Variants in CLINT1 observed in about 807,000 individuals in gnomAD.
The protein encoded by CLINT1 is clathrin interactor 1.
Under a neutral mutation model 70.4 loss-of-function variants are expected in CLINT1, and 15 were observed. That is an observed-to-expected ratio of 0.21 (90% CI 0.14 to 0.33). CLINT1 has a LOEUF of 0.33. Among genes scored for constraint, CLINT1 ranks in the 10% least tolerant of loss-of-function variants. The probability of loss-of-function intolerance (pLI) is 1.00; values close to 1 mark genes in which losing one functional copy is unlikely to be tolerated. For synonymous variants in CLINT1, 227 were observed against 254.7 expected, an observed-to-expected ratio of 0.89 and a Z score of 1.04; for missense variants, 615 against 778.1, an observed-to-expected ratio of 0.79 and a Z score of 2.49.
At chr5:157,830,794 C>CTA (rs1190577088) in intron 1 of CLINT1, among the ~76,000 whole-genome samples, 1,245 of 106,638 alleles carry the variant, frequency 0.012, 4 homozygotes, top group African/African-American at 0.015. Context: ...CTCTCTCTCT[C>CTA]TCTATATATA....
intron 1 of CLINT1, among the ~76,000 whole-genome samples, chr5:157,845,459 C>T (rs185287912): frequency 6.6e-6 from 1 of 152,048 alleles, no homozygotes; most frequent in Non-Finnish European, 1.5e-5. Flanking sequence ...TTTCTGGTAG[C>T]GAAATATGGA....
chr5:157,809,927 TC>T, intron 5 of CLINT1, 122 bp from the exon 6 acceptor site: 2 of 923,038 alleles, frequency 2.2e-6, no homozygotes, highest in Non-Finnish European at 3.2e-6. Flanking sequence ...AACAGAAAGC[TC>T]CCACAGTGCT....
chr5:157,828,729 G>A (rs967747210), intron 1 of CLINT1, among the ~76,000 whole-genome samples: 1 of 151,844 alleles, frequency 6.6e-6, no homozygotes, highest in African/African-American at 2.4e-5. Context: ...TAATTTTGCT[G>A]GGGATCACCC....
Position 157,791,704 on chromosome 5 carries a change from T to C in CLINT1, c.1379A>G (p.Gln460Arg). 1.2e-6 allele frequency: 2 copies of C among 1,607,380 alleles called. No homozygotes were observed. Among genetic ancestry groups the C allele is most frequent in the Non-Finnish European group, 1.7e-6 (2 of 1,176,262 alleles). Residue 460 changes from glutamine (Q) to arginine (R), a missense_variant and splice_region_variant, in exon 10 of 12, where the codon CAG (glutamine) becomes CGG (arginine). This residue lies in a region of CLINT1 where 374 missense variants were observed against 409.6 expected (regional missense o/e 0.91). Coordinates refer to ENST00000411809, the MANE Select transcript of CLINT1 (RefSeq NM_014666.4). ...TTCCAAGGGAACCAGACAACTTACCTGTGATCTTGACATAGGCAAACCAAG... is the reference window on the plus strand; with the variant it reads ...TTCCAAGGGAACCAGACAACTTACCCGTGATCTTGACATAGGCAAACCAAG... Reference protein sequence around the residue: ...VGLGLPMSRSQNTDMVQKSVS... With the variant: ...VGLGLPMSRSRNTDMVQKSVS...
At chr5:157,809,844 A>T (rs753751824) in intron 5 of CLINT1, 39 bp from the exon 6 acceptor site, 7 of 1,570,916 alleles carry the variant, frequency 4.5e-6, no homozygotes, top group South Asian at 2.3e-5. Flanking sequence ...TTCTAACGAC[A>T]TTAAATTCAA....
intron 1 of CLINT1, among the ~76,000 whole-genome samples, chr5:157,834,039 C>T (rs1230710477): frequency 2.0e-5 from 3 of 152,222 alleles, no homozygotes; most frequent in Non-Finnish European, 4.4e-5. Flanking sequence ...TAATCTTGCT[C>T]TCTTAAAGAG....
rs1160484927 is a variant in CLINT1, at chr5:157,794,940, C to T, written c.1045G>A (p.Asp349Asn). ...GSADLFGGFA[D>N]FGSAAASGSF... ...CCTGATGCAGCAGCTGAGCCAAAGTCAGCAAATCCTCCGAATAAATCAGCT... is the reference window on the plus strand; with the variant it reads ...CCTGATGCAGCAGCTGAGCCAAAGTTAGCAAATCCTCCGAATAAATCAGCT... Residue 349 changes from aspartate to asparagine, a missense_variant, in exon 9 of 12, where the codon GAC becomes AAC. This residue lies in a region of CLINT1 where 374 missense variants were observed against 409.6 expected (regional missense o/e 0.91). Coordinates refer to ENST00000411809, the MANE Select transcript of CLINT1 (RefSeq NM_014666.4). 6.4e-7 allele frequency: 1 copy of T among 1,556,628 alleles called. No homozygotes were observed.
chr5:157,816,129 A>T (rs2113214940), intron 3 of CLINT1, among the ~76,000 whole-genome samples: 1 of 152,344 alleles, frequency 6.6e-6, no homozygotes, highest in Middle Eastern at 3.4e-3. Context: ...ACTAACACAT[A>T]GATTTTCAAT....
At chr5:157,849,379 G>A (rs1203987835) in intron 1 of CLINT1, among the ~76,000 whole-genome samples, 1 of 152,124 alleles carries the variant, frequency 6.6e-6, no homozygotes, top group East Asian at 1.9e-4. Context: ...TTAAATTAAG[G>A]TATGTACTTT....
At chr5:157,799,698 G>C (rs1480227921) in intron 8 of CLINT1, among the ~76,000 whole-genome samples, 2 of 152,040 alleles carry the variant, frequency 1.3e-5, no homozygotes, top group African/African-American at 4.8e-5. Context: ...TCTAAATATA[G>C]TCACACATTT....
chr5:157,820,132 C>T (rs952428907), intron 1 of CLINT1, among the ~76,000 whole-genome samples: 1 of 148,558 alleles, frequency 6.7e-6, no homozygotes, highest in Non-Finnish European at 1.5e-5. Context: ...AACGCTTACA[C>T]AAAGAAACCA....
rs765382730 is a variant in CLINT1, at chr5:157,787,789, T to C, written c.1735A>G (p.Met579Val). ...GCGGACATCCCTATGTTCATGTTCA[T>C]GCCCATCATGCTCTGGTTCATCATC... ...TPMMNQSMMG[M>V]NMNIGMSAAG... The change falls in exon 12 of 12, where the codon ATG becomes GTG. Residue 579 changes from methionine (M) to valine (V), a missense_variant. This residue lies in a region of CLINT1 where 374 missense variants were observed against 409.6 expected (regional missense o/e 0.91). Coordinates refer to ENST00000411809, the MANE Select transcript of CLINT1 (RefSeq NM_014666.4). The C allele has an allele frequency of 1.3e-5, 21 of 1,614,060 alleles. No homozygotes were observed. The South Asian group carries it at 1.9e-4, about 14-fold the overall frequency.
chr5:157,851,082 G>A (rs1753557245), intron 1 of CLINT1, among the ~76,000 whole-genome samples: 1 of 152,122 alleles, frequency 6.6e-6, no homozygotes, highest in Non-Finnish European at 1.5e-5. Flanking sequence ...GTGAGCCACG[G>A]CACCTGGCCT....
intron 1 of CLINT1, among the ~76,000 whole-genome samples, chr5:157,836,259 G>C (rs1053312989): frequency 1.4e-4 from 21 of 152,156 alleles, no homozygotes; most frequent in African/African-American, 5.1e-4. Context: ...ACAACTCTAT[G>C]AGGCAGCTAC....
intron 1 of CLINT1, chr5:157,823,736 A>G: frequency 1.2e-6 from 1 of 817,834 alleles, no homozygotes; most frequent in South Asian, 5.6e-5. Flanking sequence ...TTTAACATAA[A>G]ACACCCATAA....
In CLINT1 at chr5:157,803,731, C is replaced by T. The variant is rs1465116033; in HGVS notation, c.943-12G>A. On this transcript the variant is annotated splice_polypyrimidine_tract_variant and intron_variant, in intron 7 of 11. Coordinates refer to ENST00000411809, the MANE Select transcript of CLINT1 (RefSeq NM_014666.4). ...CTAGGCACTGAAGTCTGAAAACACA[C>T]ACATAACTCAGGAGCTTCGAAAAGT... The T allele has an allele frequency of 6.5e-7, 1 of 1,542,046 alleles. No individual in the cohort carries two copies. The highest frequency in any genetic ancestry group is 8.8e-7 in the Non-Finnish European group (1 of 1,135,340).
chr5:157,853,090 G>C (rs1753627776), intron 1 of CLINT1, among the ~76,000 whole-genome samples: 1 of 152,256 alleles, frequency 6.6e-6, no homozygotes, highest in South Asian at 2.1e-4. Flanking sequence ...GCTCATGCCT[G>C]TAATCCCAGC....
intron 1 of CLINT1, among the ~76,000 whole-genome samples, chr5:157,853,372 A>G (rs1479468399): frequency 6.6e-6 from 1 of 152,114 alleles, no homozygotes; most frequent in African/African-American, 2.4e-5. Context: ...AAAAGTCCAG[A>G]AAAAGACTCA....
At chr5:157,856,412 G>C (rs1158265898) in intron 1 of CLINT1, among the ~76,000 whole-genome samples, 1 of 152,184 alleles carries the variant, frequency 6.6e-6, no homozygotes, top group East Asian at 1.9e-4. Context: ...ATATGAACCA[G>C]ATAGTTAAAC....
Sources: gnomAD v4.1 joint callset for allele counts (sites outside exome capture counted in the v4.1 genomes callset) on GRCh38, gnomAD v4.1.1 for gene constraint, gnomAD v4.1.1 regional missense constraint, MANE v1.5 for transcripts, NCBI Gene and HGNC (gene_info 2026-07-23, HGNC 2026-07-21) for gene names.